Variants in CNTN5 observed in about 807,000 individuals in gnomAD.
CNTN5 encodes contactin-5.
A neutral mutation model predicts 129.1 loss-of-function variants in CNTN5; 77 were observed. The ratio of observed to expected loss-of-function variants is 0.60; its 90% CI spans 0.50 to 0.72. The LOEUF is 0.72. Among genes scored for constraint, CNTN5 ranks in the 30% least tolerant of loss-of-function variants. CNTN5 has a pLI of 0.00. For synonymous variants in CNTN5, 509 were observed against 465.6 expected (o/e 1.09, Z -1.20); for missense variants, 1,478 against 1,328.8 (o/e 1.11, Z -1.75).
At chr11:99,722,147 A>G (rs1267555578) in intron 3 of CNTN5, among the ~76,000 whole-genome samples, 2 of 152,140 alleles carry the variant, frequency 1.3e-5, no homozygotes, top group African/African-American at 4.8e-5. Flanking sequence ...ACCATGACAA[A>G]TATAAATCAT....
chr11:99,486,723 ATTG>A (rs140589926), intron 2 of CNTN5, among the ~76,000 whole-genome samples: 2 of 152,132 alleles, frequency 1.3e-5, no homozygotes, highest in Non-Finnish European at 2.9e-5. Context: ...TGATTTTTGC[ATTG>A]TTGTTGTTGT....
At chr11:100,076,316 C>T (rs1944124784) in intron 13 of CNTN5, among the ~76,000 whole-genome samples, 1 of 151,830 alleles carries the variant, frequency 6.6e-6, no homozygotes, top group Non-Finnish European at 1.5e-5. Context: ...TGAGTTTTGT[C>T]CTATTTATTT....
intron 18 of CNTN5, among the ~76,000 whole-genome samples, chr11:100,282,451 GT>G (rs1950660793): frequency 6.6e-6 from 1 of 152,192 alleles, no homozygotes; most frequent in Admixed American, 6.5e-5. Context: ...GAGTCTCTCT[GT>G]TCTGAGCCAC....
At chr11:99,508,152 G>T (rs531815246) in intron 2 of CNTN5, among the ~76,000 whole-genome samples, 136 of 152,234 alleles carry the variant, frequency 8.9e-4, no homozygotes, top group Non-Finnish European at 1.6e-3. Context: ...AAGAAAGAAC[G>T]TAGGCTTGGG....
intron 13 of CNTN5, among the ~76,000 whole-genome samples, chr11:100,155,333 A>G (rs1286624549): frequency 6.6e-6 from 1 of 151,792 alleles, no homozygotes; most frequent in Non-Finnish European, 1.5e-5. Flanking sequence ...ATGGTTGTAG[A>G]TATGTGGTGT....
chr11:99,966,042 A>T (rs1018000120), intron 8 of CNTN5, among the ~76,000 whole-genome samples: 3 of 152,302 alleles, frequency 2.0e-5, no homozygotes, highest in Non-Finnish European at 4.4e-5. Context: ...ATTACAATGA[A>T]TGTTTCTGCA....
chr11:99,541,025 G>T (rs545600443), intron 2 of CNTN5, among the ~76,000 whole-genome samples: 18 of 152,304 alleles, frequency 1.2e-4, no homozygotes, highest in Non-Finnish European at 2.5e-4. Context: ...GTAGCATTCA[G>T]TCAGGATCTC....
chr11:100,286,863 A>T (rs1950807059), intron 18 of CNTN5, among the ~76,000 whole-genome samples: 1 of 151,548 alleles, frequency 6.6e-6, no homozygotes, highest in African/African-American at 2.4e-5. Context: ...TTTGAAAAAA[A>T]TTTAGAAGAA....
At chr11:99,356,196 C>G (rs934121852) in intron 2 of CNTN5, among the ~76,000 whole-genome samples, 2 of 152,076 alleles carry the variant, frequency 1.3e-5, no homozygotes, top group South Asian at 2.1e-4. Context: ...CCACCCCCCC[C>G]CAACCAAGTT....
intron 2 of CNTN5, among the ~76,000 whole-genome samples, chr11:99,334,332 A>G (rs1866129664): frequency 1.3e-5 from 2 of 152,302 alleles, no homozygotes; most frequent in Non-Finnish European, 2.9e-5. Flanking sequence ...AACTGTAAGC[A>G]TATTAAATAA....
At chr11:99,710,032 A>T (rs1359984290) in intron 3 of CNTN5, among the ~76,000 whole-genome samples, 1 of 151,816 alleles carries the variant, frequency 6.6e-6, no homozygotes, top group East Asian at 1.9e-4. Flanking sequence ...GTTTCCTGCC[A>T]TATTCTGCTT....
intron 1 of CNTN5, among the ~76,000 whole-genome samples, chr11:99,267,020 G>T (rs185583753): frequency 4.6e-5 from 7 of 152,046 alleles, no homozygotes; most frequent in Admixed American, 3.9e-4. Context: ...AAGTACTGGA[G>T]AATAAGAGAA....
At chr11:100,172,217 C>G (rs73567905) in intron 13 of CNTN5, among the ~76,000 whole-genome samples, 1 of 151,842 alleles carries the variant, frequency 6.6e-6, no homozygotes, top group Admixed American at 6.6e-5. Flanking sequence ...TCACTCCCTG[C>G]CACCCAACTG....
chr11:99,082,826 A>G (rs1466822028), intron 1 of CNTN5, among the ~76,000 whole-genome samples: 1 of 152,154 alleles, frequency 6.6e-6, no homozygotes, highest in Non-Finnish European at 1.5e-5. Flanking sequence ...ATATATATAC[A>G]TTACACAACA....
At chr11:99,117,503 G>A (rs1274714338) in intron 1 of CNTN5, among the ~76,000 whole-genome samples, 1 of 152,048 alleles carries the variant, frequency 6.6e-6, no homozygotes, top group South Asian at 2.1e-4. Flanking sequence ...ATATTATAAT[G>A]TGAAATTTGT....
chr11:99,328,885 A>AG (rs1251482281), intron 2 of CNTN5, among the ~76,000 whole-genome samples: 2 of 143,514 alleles, frequency 1.4e-5, no homozygotes, highest in African/African-American at 5.4e-5. Flanking sequence ...AAAAAAAAAA[A>AG]AAAGAAAAAA....
chr11:100,068,689 GA>G (rs796729183), intron 10 of CNTN5, among the ~76,000 whole-genome samples: 4 of 152,284 alleles, frequency 2.6e-5, no homozygotes, highest in African/African-American at 9.6e-5. Context: ...AAATCATGAT[GA>G]ATATTTGAAA....
intron 17 of CNTN5, among the ~76,000 whole-genome samples, chr11:100,264,982 A>T (rs1409478658): frequency 1.3e-5 from 2 of 152,046 alleles, no homozygotes; most frequent in Non-Finnish European, 2.9e-5. Flanking sequence ...TCTAATGATA[A>T]GTGATGTTGT....
intron 2 of CNTN5, among the ~76,000 whole-genome samples, chr11:99,533,204 C>A (rs547235573): frequency 3.3e-5 from 5 of 152,180 alleles, no homozygotes; most frequent in Non-Finnish European, 7.3e-5. Flanking sequence ...GCCTTGGTGA[C>A]AGAACAAGTG....
Sources: allele counts gnomAD v4.1 joint callset (sites outside exome capture counted in the v4.1 genomes callset), GRCh38; gene constraint gnomAD v4.1.1; transcripts MANE v1.5; gene names NCBI Gene and HGNC (gene_info 2026-07-23, HGNC 2026-07-21).